Variants in PPP1R12B observed in about 807,000 individuals in gnomAD.
The protein encoded by PPP1R12B is myosin phosphatase target subunit 2.
Under a neutral mutation model 126.1 loss-of-function variants are expected in PPP1R12B, and 76 were observed. That is an observed-to-expected ratio of 0.60 (90% CI 0.50 to 0.73). PPP1R12B has a LOEUF of 0.73. PPP1R12B is among the 30% of genes least tolerant of loss of function. PPP1R12B has a pLI of 0.00. For missense variants in PPP1R12B, 1,052 were observed against 1,205.1 expected (o/e 0.87, Z 1.88); for synonymous variants, 356 against 434.7 (o/e 0.82, Z 2.25).
chr1:202,567,983 G>T, intron 22 of PPP1R12B, 152 bp downstream of exon 22: 1 of 956,254 alleles, frequency 1.0e-6, no homozygotes, highest in South Asian at 1.6e-5. Context: ...AATTCTTTTT[G>T]TCTGACTCTA....
chr1:202,501,128 A>G lies in PPP1R12B; in HGVS notation c.2490+4306A>G, dbSNP rs1466517245. ...GTTAGGTATATGACAGTCTCTGAGA[A>G]TCTTAATAGATCCTTTGTCTTTCTG... On this transcript the variant is annotated intron_variant, in intron 18 of 23. Transcript: ENST00000608999. Among the ~76,000 whole-genome samples the G allele has an allele frequency of 2.6e-5, 4 of 152,242 alleles. No individual in the cohort carries two copies. In the East Asian group the frequency reaches 7.7e-4, roughly 29 times the overall value.
chr1:202,408,577 A>C (rs1176020032), intron 1 of PPP1R12B, among the ~76,000 whole-genome samples: 2 of 152,180 alleles, frequency 1.3e-5, no homozygotes, highest in African/African-American at 4.8e-5. Flanking sequence ...ACAAATTAAC[A>C]CAAACTTGGT....
intron 18 of PPP1R12B, chr1:202,502,230 G>A (rs968258837): frequency 5.4e-5 from 53 of 984,638 alleles, no homozygotes; most frequent in Non-Finnish European, 6.2e-5. Context: ...GTGTTAAAGA[G>A]TTACTAAATT....
intron 18 of PPP1R12B, among the ~76,000 whole-genome samples, chr1:202,540,831 C>T (rs1262338428): frequency 6.6e-6 from 1 of 152,170 alleles, no homozygotes; most frequent in East Asian, 1.9e-4. Flanking sequence ...TCACCAAGTA[C>T]CTTCAGGAAA....
chr1:202,492,889 A>G (rs1048192214), intron 14 of PPP1R12B, among the ~76,000 whole-genome samples: 22 of 152,182 alleles, frequency 1.4e-4, no homozygotes, highest in African/African-American at 5.3e-4. Context: ...AACTAGAAAA[A>G]CTAAAGTATT....
At position 202,580,506 on chromosome 1, in the gene PPP1R12B, G is replaced by C; in HGVS notation, c.2895G>C (p.Arg965Ser). The C allele has an allele frequency of 6.2e-7, 1 of 1,614,040 alleles. No individual in the cohort carries two copies. The highest frequency in any genetic ancestry group is 8.5e-7 in the Non-Finnish European group (1 of 1,179,936). Residue 965 changes from arginine to serine, a missense_variant, in exon 24 of 24, where the codon AGG becomes AGC. Physicochemically the swap from Arg to Ser is moderately radical, Grantham distance 110. Transcript: ENST00000608999. The part of the protein sequence containing the change: ...VLTELKSDNQ[R>S]LKDENGALIR... ...CAGAACTGAAATCCGACAACCAGAG[G>C]CTGAAAGATGAAAATGGTGCCCTCA...
rs2148626669 is a variant in PPP1R12B at position 202,419,608 on chromosome 1, T to C, written c.422+2691T>C. On this transcript the variant is annotated intron_variant, in intron 2 of 23. Transcript: ENST00000608999. This position sits in a 1 kb window ranked among gnomAD's most constrained non-coding sequence, Gnocchi z 4.6. ...GTAGAACATGGGAAAAGCAGGGTCCTGTATACCCAAGTGACATTATGCCTG... is the reference window on the plus strand; with the variant it reads ...GTAGAACATGGGAAAAGCAGGGTCCCGTATACCCAAGTGACATTATGCCTG... Among the ~76,000 whole-genome samples, 1 of 152,292 alleles carries C rather than the reference T, an allele frequency of 6.6e-6. No individual in the cohort carries two copies. The highest frequency in any genetic ancestry group is 2.1e-4 in the South Asian group (1 of 4,822).
At chr1:202,557,698 G>A (rs548844108) in intron 18 of PPP1R12B, among the ~76,000 whole-genome samples, 2 of 152,312 alleles carry the variant, frequency 1.3e-5, no homozygotes, top group East Asian at 3.9e-4. Flanking sequence ...TACTGAAACA[G>A]CATCTCCAGT....
chr1:202,532,000 C>T (rs1684005706), intron 18 of PPP1R12B, among the ~76,000 whole-genome samples: 2 of 152,216 alleles, frequency 1.3e-5, no homozygotes. Flanking sequence ...ATAGACAGAG[C>T]AGCCCCAAGG....
At chr1:202,458,892 G>A (rs1479534820) in intron 13 of PPP1R12B, among the ~76,000 whole-genome samples, 1 of 152,168 alleles carries the variant, frequency 6.6e-6, no homozygotes, top group African/African-American at 2.4e-5. Flanking sequence ...CTTTAAAACT[G>A]GCCACAGCAA....
chr1:202,506,023 G>T (rs994632900), intron 18 of PPP1R12B, among the ~76,000 whole-genome samples: 3 of 152,192 alleles, frequency 2.0e-5, no homozygotes, highest in Non-Finnish European at 4.4e-5. Flanking sequence ...CTGGGAATTG[G>T]CAGGCATTCC....
rs1474318622 is a variant in PPP1R12B at position 202,348,742 on chromosome 1, C to A, written c.-110C>A. 5.8e-6 allele frequency: 8 copies of A among 1,374,738 alleles called. No homozygotes were observed. The highest frequency in any genetic ancestry group is 3.0e-5 in the South Asian group (2 of 66,000). The allele number at this position is 1,374,738 out of a possible 1,614,324, so 85.2% of individuals were successfully genotyped here. A position where few individuals can be genotyped will look rare whatever the true frequency, so the allele number is the denominator to read the frequency against. On this transcript the variant is annotated 5_prime_UTR_variant, in exon 1 of 24. Transcript: ENST00000608999. Reference sequence around the variant, plus strand: ...AGTAAAGATGGCGGCGCGAGGGTCTCCGCCCTCTGCTCCGGGCTGAAGCGC... The same window carrying A: ...AGTAAAGATGGCGGCGCGAGGGTCTACGCCCTCTGCTCCGGGCTGAAGCGC...
intron 13 of PPP1R12B, among the ~76,000 whole-genome samples, chr1:202,454,033 C>G (rs1006396220): frequency 3.9e-5 from 6 of 152,126 alleles, no homozygotes; most frequent in African/African-American, 1.4e-4. Flanking sequence ...GACAAAAACT[C>G]TCTTTAAAAA....
intron 14 of PPP1R12B, among the ~76,000 whole-genome samples, chr1:202,492,119 C>T (rs2148848237): frequency 6.6e-6 from 1 of 152,254 alleles, no homozygotes; most frequent in African/African-American, 2.4e-5. Flanking sequence ...GTTCTTTTTA[C>T]TCTTTAAAAC....
chr1:202,584,956 C>A lies in PPP1R12B; in HGVS notation c.*4396C>A, dbSNP rs567794542. The A allele has an allele frequency of 2.0e-5, 3 of 152,348 alleles. No individual in the cohort carries two copies. The South Asian group carries it at 6.2e-4, about 32-fold the overall frequency. 9.4% of individuals were successfully genotyped at this position (152,348 alleles called of 1,614,324 possible). A position where few individuals can be genotyped will look rare whatever the true frequency, so the allele number is the denominator to read the frequency against. ...CAGCACTGACCGCACTTTAAGCACA[C>A]ACTTACCAATCAGAGGTCGTGTAAT... On this transcript the variant is annotated 3_prime_UTR_variant, in exon 24 of 24. Transcript: ENST00000608999.
rs373935049 is a variant in PPP1R12B, at chr1:202,422,756, A to G, written c.541+18A>G. On this transcript the variant is annotated intron_variant, in intron 3 of 23. Coordinates refer to ENST00000608999, the MANE Select transcript of PPP1R12B (RefSeq NM_002481.4). The stretch of plus-strand genomic sequence containing the variant: ...GAAGCAAGGTAACCTCATGGATTGG[A>G]GGGGGCCAGGAAAGATTCTCAAACA... The G allele has an allele frequency of 1.2e-6, 2 of 1,613,096 alleles. No individual in the cohort carries two copies. Among genetic ancestry groups the G allele is most frequent in the Non-Finnish European group, 1.7e-6 (2 of 1,179,522 alleles).
At chr1:202,447,296 A>G (rs1450123098) in intron 12 of PPP1R12B, among the ~76,000 whole-genome samples, 2 of 152,236 alleles carry the variant, frequency 1.3e-5, no homozygotes, top group South Asian at 2.1e-4. Flanking sequence ...TCATCTGCCC[A>G]AGGTCACACA....
intron 18 of PPP1R12B, among the ~76,000 whole-genome samples, chr1:202,503,784 T>TC (rs1175442132): frequency 6.7e-6 from 1 of 148,308 alleles, no homozygotes; most frequent in African/African-American, 2.5e-5. Context: ...TATTTTACCT[T>TC]TTTTTTTTTT....
At chr1:202,576,377 A>G (rs2149039737) in intron 23 of PPP1R12B, 1 of 152,386 alleles carries the variant, frequency 6.6e-6, no homozygotes, top group African/African-American at 2.4e-5. Context: ...AGTCCTGACC[A>G]GAGCCTGTTC....
Sources: allele counts gnomAD v4.1 joint callset (sites outside exome capture counted in the v4.1 genomes callset), GRCh38; gene constraint gnomAD v4.1.1; non-coding constraint Gnocchi (gnomAD v3.1); transcripts MANE v1.5; gene names NCBI Gene and HGNC (gene_info 2026-07-23, HGNC 2026-07-21).